The following CPSF3 variants were observed in gnomAD, a reference collection of about 807,000 sequenced individuals.
The protein encoded by CPSF3 is cleavage and polyadenylation specific factor 3.
In CPSF3, 57 loss-of-function variants were observed where a neutral mutation model predicts 84.1. That is an observed-to-expected ratio of 0.68 (90% CI 0.55 to 0.85). CPSF3 has a LOEUF of 0.85. Ranked by LOEUF, CPSF3 falls within the 40% of genes least tolerant of loss-of-function variation. CPSF3 has a pLI of 0.00. For synonymous variants in CPSF3, 275 were observed against 278.1 expected, an observed-to-expected ratio of 0.99 and a Z score of 0.11; for missense variants, 522 against 838.8, an observed-to-expected ratio of 0.62 and a Z score of 4.66.
At chr2:9,424,198 G>A (rs1461115261) in intron 1 of CPSF3, 2 of 1,024,160 alleles carry the variant, frequency 2.0e-6, no homozygotes, top group Non-Finnish European at 2.3e-6. Flanking sequence ...TGACCGACAG[G>A]ATGAGAGGAG....
intron 16 of CPSF3, among the ~76,000 whole-genome samples, chr2:9,469,799 G>A (rs1682102422): frequency 6.6e-6 from 1 of 152,192 alleles, no homozygotes; most frequent in Non-Finnish European, 1.5e-5. Context: ...TTCCCCAGTT[G>A]TTTAAACACT....
chr2:9,429,478 C>G (rs1358766487), intron 2 of CPSF3, among the ~76,000 whole-genome samples: 3 of 152,170 alleles, frequency 2.0e-5, no homozygotes, highest in Non-Finnish European at 4.4e-5. Context: ...ACTTTAATGA[C>G]TGAGTCTTAA....
intron 15 of CPSF3, among the ~76,000 whole-genome samples, chr2:9,466,292 A>G (rs559479020): frequency 1.9e-4 from 24 of 126,330 alleles, no homozygotes; most frequent in Non-Finnish European, 3.8e-4. Context: ...GTGCGCACAC[A>G]GACGCATGCA....
chr2:9,456,892 C>G, intron 13 of CPSF3, 41 bp from the exon 14 acceptor site: 1 of 1,206,294 alleles, frequency 8.3e-7, no homozygotes, highest in East Asian at 2.4e-5. Flanking sequence ...GGAAGATTAT[C>G]AGAAAAGTAT....
intron 15 of CPSF3, among the ~76,000 whole-genome samples, chr2:9,460,075 T>C (rs1018916435): frequency 1.3e-5 from 2 of 152,194 alleles, no homozygotes; most frequent in South Asian, 2.1e-4. Context: ...GCAATGCATG[T>C]TGTTAGTATT....
chr2:9,427,782 A>G (rs542765447), intron 1 of CPSF3, among the ~76,000 whole-genome samples: 54 of 152,294 alleles, frequency 3.5e-4, no homozygotes, highest in Admixed American at 1.9e-3. Context: ...ATTGTGAGCT[A>G]GAATGGTTGG....
At chr2:9,442,038 C>T in intron 9 of CPSF3, 62 bp downstream of exon 9, 1 of 1,553,486 alleles carries the variant, frequency 6.4e-7, no homozygotes, top group Non-Finnish European at 8.8e-7. Context: ...TGGCACGGTC[C>T]TCACAGGTTT....
rs1680534201 is a variant in CPSF3, at chr2:9,430,253, T to C, written c.212+233T>C. On this transcript the variant is annotated intron_variant, in intron 3 of 17. Coordinates refer to ENST00000238112, the MANE Select transcript of CPSF3 (RefSeq NM_016207.4). ...GTTCAGTGAGTATGTGAGAAGGAGA[T>C]AGTACAGAACTTGAATCATTGTAAA... Among the ~76,000 whole-genome samples, 3 of 152,228 alleles carry C rather than the reference T, an allele frequency of 2.0e-5. No homozygotes were observed. The South Asian group carries it at 6.2e-4, about 31-fold the overall frequency.
At chr2:9,438,056 A>T (rs1376129434) in intron 7 of CPSF3, among the ~76,000 whole-genome samples, 1 of 152,274 alleles carries the variant, frequency 6.6e-6, no homozygotes, top group African/African-American at 2.4e-5. Context: ...CTCTGTGCGA[A>T]GCACTAGAAA....
intron 17 of CPSF3, among the ~76,000 whole-genome samples, chr2:9,472,407 C>T (rs147828598): frequency 1.3e-5 from 2 of 152,066 alleles, no homozygotes; most frequent in Non-Finnish European, 2.9e-5. Flanking sequence ...TAGCCACATC[C>T]ATTCCTTGCC....
chr2:9,472,006 C>CAA (rs35342941), intron 17 of CPSF3, among the ~76,000 whole-genome samples: 35,656 of 96,760 alleles, frequency 0.37, 6,366 homozygotes, highest in Non-Finnish European at 0.4. Context: ...ACTCTGTCTC[C>CAA]AAAAAAAAAA....
intron 10 of CPSF3, among the ~76,000 whole-genome samples, chr2:9,445,558 G>GA (rs981653873): frequency 6.6e-6 from 1 of 152,188 alleles, no homozygotes; most frequent in African/African-American, 2.4e-5. Flanking sequence ...ATTTGGTCAA[G>GA]AAAAATCACT....
chr2:9,469,347 C>T (rs1160143220), intron 16 of CPSF3, among the ~76,000 whole-genome samples: 1 of 152,114 alleles, frequency 6.6e-6, no homozygotes. Context: ...TCCTGGGACC[C>T]CCGGTTAAAC....
chr2:9,456,279 T>C (rs1282609055), intron 13 of CPSF3, among the ~76,000 whole-genome samples: 21 of 152,238 alleles, frequency 1.4e-4, no homozygotes, highest in Non-Finnish European at 2.6e-4. Context: ...ATTAACATCA[T>C]GAGGGGCCGT....
At chr2:9,472,829 G>A (rs1682226057) in intron 17 of CPSF3, 87 bp from the exon 18 acceptor site, 2 of 944,702 alleles carry the variant, frequency 2.1e-6, no homozygotes, top group Admixed American at 2.0e-5. Context: ...TTTATGAGAT[G>A]ATGGTTTTTT....
At chr2:9,445,364 G>A (rs1349889529) in intron 10 of CPSF3, among the ~76,000 whole-genome samples, 4 of 152,154 alleles carry the variant, frequency 2.6e-5, no homozygotes. Context: ...ACCTGTGGGT[G>A]GACACTCGGG....
chr2:9,466,406 G>A (rs528699142), intron 15 of CPSF3, among the ~76,000 whole-genome samples: 9 of 141,772 alleles, frequency 6.3e-5, no homozygotes, highest in South Asian at 4.3e-4. Flanking sequence ...ACACACGCAC[G>A]CGCACACACG....
chr2:9,438,327 G>C (rs143539396), intron 7 of CPSF3, among the ~76,000 whole-genome samples: 1 of 152,012 alleles, frequency 6.6e-6, no homozygotes, highest in Non-Finnish European at 1.5e-5. Flanking sequence ...CAAAGTCTTC[G>C]TAACCTGTAA....
intron 2 of CPSF3, among the ~76,000 whole-genome samples, chr2:9,429,111 C>T (rs145678172): frequency 2.0e-5 from 3 of 152,344 alleles, no homozygotes; most frequent in South Asian, 2.1e-4. Context: ...GCCAGCCTAA[C>T]TGCCCCACCC....
Sources: gnomAD v4.1 joint callset for allele counts (sites outside exome capture counted in the v4.1 genomes callset) on GRCh38, gnomAD v4.1.1 for gene constraint, MANE v1.5 for transcripts, NCBI Gene and HGNC (gene_info 2026-07-23, HGNC 2026-07-21) for gene names.